Variants in CNGB3 observed in about 807,000 individuals in gnomAD.
CNGB3 encodes the protein cyclic nucleotide-gated channel beta-3.
CNGB3 carries 86 observed loss-of-function variants against 92.8 expected under a neutral mutation model. That is an observed-to-expected ratio of 0.93 (90% CI 0.78 to 1.11). CNGB3 has a LOEUF of 1.11. Ranked by LOEUF, CNGB3 falls within the 50% of genes least tolerant of loss-of-function variation. The pLI is 0.00. For missense variants in CNGB3, 1,026 were observed against 956.8 expected (o/e 1.07, Z -0.95); for synonymous variants, 333 against 332.7 (o/e 1.00, Z -0.01).
At chr8:86,631,541 A>G (rs1329222922) in intron 11 of CNGB3, among the ~76,000 whole-genome samples, 1 of 152,144 alleles carries the variant, frequency 6.6e-6, no homozygotes, top group African/African-American at 2.4e-5. Context: ...GTGATATGAC[A>G]ACTTCACGTT....
intron 13 of CNGB3, among the ~76,000 whole-genome samples, chr8:86,624,145 G>T (rs566618532): frequency 6.6e-6 from 1 of 152,230 alleles, no homozygotes; most frequent in Admixed American, 6.5e-5. Flanking sequence ...ATGACTGGGC[G>T]CAGTGGCTCA....
intron 13 of CNGB3, among the ~76,000 whole-genome samples, chr8:86,623,926 C>A (rs1822791947): frequency 6.6e-6 from 1 of 152,138 alleles, no homozygotes; most frequent in African/African-American, 2.4e-5. Flanking sequence ...AAAAACTCTG[C>A]TTCAATAACC....
chr8:86,606,203 G>A (rs1388501427), intron 14 of CNGB3, among the ~76,000 whole-genome samples: 1 of 140,046 alleles, frequency 7.1e-6, no homozygotes, highest in Non-Finnish European at 1.5e-5. Flanking sequence ...AGGCTAGAGT[G>A]CAGTGGGCAT....
At chr8:86,604,819 T>G (rs1465557024) in intron 14 of CNGB3, among the ~76,000 whole-genome samples, 1 of 152,232 alleles carries the variant, frequency 6.6e-6, no homozygotes, top group African/African-American at 2.4e-5. Flanking sequence ...ACTCCTGGAA[T>G]GTTCACATAG....
At chr8:86,680,810 G>C (rs1338363195) in intron 3 of CNGB3, among the ~76,000 whole-genome samples, 1 of 152,108 alleles carries the variant, frequency 6.6e-6, no homozygotes, top group Non-Finnish European at 1.5e-5. Context: ...GGTGGAGTGA[G>C]AGGAGGTTGT....
intron 15 of CNGB3, among the ~76,000 whole-genome samples, chr8:86,579,824 C>T (rs1180187568): frequency 6.6e-6 from 1 of 152,200 alleles, no homozygotes; most frequent in Non-Finnish European, 1.5e-5. Flanking sequence ...AAGTGCAATT[C>T]CCATCACTCT....
chr8:86,677,828 CA>C, intron 3 of CNGB3, among the ~76,000 whole-genome samples: 1 of 152,222 alleles, frequency 6.6e-6, no homozygotes, highest in African/African-American at 2.4e-5. Context: ...CAAATTTTGT[CA>C]TTTTCTCCCC....
At chr8:86,695,366 TA>T (rs112351901) in intron 3 of CNGB3, among the ~76,000 whole-genome samples, 22,453 of 104,478 alleles carry the variant, frequency 0.21, 1,701 homozygotes, top group African/African-American at 0.34. Context: ...TTTAAAAAAT[TA>T]TTTTTTTCTT....
intron 15 of CNGB3, among the ~76,000 whole-genome samples, chr8:86,603,614 T>C (rs1195619258): frequency 6.6e-6 from 1 of 152,152 alleles, no homozygotes; most frequent in Non-Finnish European, 1.5e-5. Flanking sequence ...TCCTAATTAT[T>C]AAGGTGAGGA....
At chr8:86,601,449 A>G (rs1822296431) in intron 15 of CNGB3, among the ~76,000 whole-genome samples, 1 of 152,030 alleles carries the variant, frequency 6.6e-6, no homozygotes, top group Non-Finnish European at 1.5e-5. Flanking sequence ...CTATTAATCT[A>G]TATTTTAGTC....
intron 3 of CNGB3, among the ~76,000 whole-genome samples, chr8:86,674,666 T>C (rs1823928724): frequency 6.6e-6 from 1 of 152,250 alleles, no homozygotes; most frequent in Non-Finnish European, 1.5e-5. Context: ...ATTTCTTGTT[T>C]ATATTACCAA....
intron 2 of CNGB3, among the ~76,000 whole-genome samples, chr8:86,732,398 A>G (rs915089592): frequency 6.6e-6 from 1 of 152,164 alleles, no homozygotes; most frequent in Admixed American, 6.5e-5. Flanking sequence ...AGTCAGTCAG[A>G]CTACTCCCTT....
chr8:86,585,723 C>T (rs1328475713), intron 15 of CNGB3, among the ~76,000 whole-genome samples: 1 of 152,130 alleles, frequency 6.6e-6, no homozygotes, highest in East Asian at 1.9e-4. Context: ...TCCTGAAGGG[C>T]TTAGTAAAGG....
At chr8:86,576,152 A>C in intron 17 of CNGB3, 22 bp from the exon 18 acceptor site, 1 of 1,599,470 alleles carries the variant, frequency 6.3e-7, no homozygotes, top group Non-Finnish European at 8.5e-7. Flanking sequence ...AATTACAAAG[A>C]ACTGGTGTTG....
chr8:86,619,752 G>C (rs1033249695), intron 13 of CNGB3, among the ~76,000 whole-genome samples: 29 of 15,480 alleles, frequency 1.9e-3, no homozygotes, highest in African/African-American at 0.014. Context: ...TTTTTTTTTT[G>C]CGACAGGGTC....
intron 3 of CNGB3, among the ~76,000 whole-genome samples, chr8:86,726,320 G>A (rs1032092922): frequency 1.3e-5 from 2 of 152,118 alleles, no homozygotes; most frequent in African/African-American, 2.4e-5. Context: ...GGCTGCCTAG[G>A]GATATTGGTT....
chr8:86,647,938 G>T (rs376948149), intron 7 of CNGB3, 51 bp from the exon 8 acceptor site: 3 of 1,051,858 alleles, frequency 2.9e-6, no homozygotes, highest in Non-Finnish European at 4.5e-6. Context: ...GCCTTTCTGG[G>T]AATGGATGGA....
chr8:86,720,900 G>A (rs934491832), intron 3 of CNGB3, among the ~76,000 whole-genome samples: 1 of 143,162 alleles, frequency 7.0e-6, no homozygotes, highest in Non-Finnish European at 1.5e-5. Flanking sequence ...ATACTACTCA[G>A]CCATGAAAAG....
chr8:86,592,599 C>A (rs891326536), intron 15 of CNGB3, among the ~76,000 whole-genome samples: 3 of 152,020 alleles, frequency 2.0e-5, no homozygotes, highest in Middle Eastern at 3.2e-3. Context: ...TAAGCAGATG[C>A]AATTTAGAAT....
Sources: gnomAD v4.1 joint callset for allele counts (sites outside exome capture counted in the v4.1 genomes callset) on GRCh38, gnomAD v4.1.1 for gene constraint, MANE v1.5 for transcripts, NCBI Gene and HGNC (gene_info 2026-07-23, HGNC 2026-07-21) for gene names.